Variants in BLTP3B observed in about 807,000 individuals in gnomAD.
The protein encoded by BLTP3B is bridge-like lipid transfer protein family member 3B.
chr12:100,079,501 G>T, the BLTP3B span, among the ~76,000 whole-genome samples: 1 of 152,150 alleles, frequency 6.6e-6, no homozygotes, highest in Non-Finnish European at 1.5e-5. Flanking sequence ...TTATCTTGTG[G>T]AAGAAATTTC....
chr12:100,040,745 C>G, the BLTP3B span, among the ~76,000 whole-genome samples: 1 of 152,020 alleles, frequency 6.6e-6, no homozygotes, highest in Non-Finnish European at 1.5e-5. Context: ...CAGACAAATT[C>G]TTAAAAAGAC....
chr12:100,048,443 G>T, the BLTP3B span, among the ~76,000 whole-genome samples: 1 of 151,828 alleles, frequency 6.6e-6, no homozygotes. Flanking sequence ...CATTATGATA[G>T]AACTAAGGTG....
At chr12:100,097,197 T>C in the BLTP3B span, among the ~76,000 whole-genome samples, 2 of 152,266 alleles carry the variant, frequency 1.3e-5, no homozygotes, top group Admixed American at 1.3e-4. Flanking sequence ...TGAGTAACTA[T>C]ACCTCCCTTT....
At chr12:100,108,917 G>A in the BLTP3B span, among the ~76,000 whole-genome samples, 1 of 152,152 alleles carries the variant, frequency 6.6e-6, no homozygotes, top group Non-Finnish European at 1.5e-5. Context: ...GCTGGAAAGG[G>A]TAGTGGTGGG....
At chr12:100,080,317 G>A in the BLTP3B span, among the ~76,000 whole-genome samples, 2 of 152,092 alleles carry the variant, frequency 1.3e-5, no homozygotes, top group African/African-American at 4.8e-5. Context: ...AAGCCACAGG[G>A]GCAGAGCTGC....
the BLTP3B span, among the ~76,000 whole-genome samples, chr12:100,130,851 G>C: frequency 0.072 from 11,001 of 152,050 alleles, 430 homozygotes; most frequent in South Asian, 0.092. Flanking sequence ...TTTAACCCAG[G>C]GGGTGGAGGT....
the BLTP3B span, among the ~76,000 whole-genome samples, chr12:100,042,613 A>G: frequency 6.6e-6 from 1 of 152,232 alleles, no homozygotes; most frequent in Admixed American, 6.5e-5. Flanking sequence ...GGACTCTTAT[A>G]CAGGACATCC....
the BLTP3B span, among the ~76,000 whole-genome samples, chr12:100,121,169 G>A: frequency 3.8e-4 from 57 of 151,976 alleles, no homozygotes; most frequent in Non-Finnish European, 2.9e-5. Flanking sequence ...CCAACATGGA[G>A]GAACCCTGCC....
the BLTP3B span, among the ~76,000 whole-genome samples, chr12:100,047,059 T>C: frequency 6.6e-6 from 1 of 152,160 alleles, no homozygotes; most frequent in Non-Finnish European, 1.5e-5. Context: ...CATATATAGA[T>C]GATACTTTAT....
the BLTP3B span, among the ~76,000 whole-genome samples, chr12:100,124,082 T>C: frequency 0.057 from 8,701 of 151,614 alleles, 794 homozygotes; most frequent in African/African-American, 0.2. Context: ...CTGGGAAACA[T>C]AGCAAGACCC....
At chr12:100,081,118 C>T in the BLTP3B span, among the ~76,000 whole-genome samples, 1 of 152,188 alleles carries the variant, frequency 6.6e-6, no homozygotes, top group African/African-American at 2.4e-5. Flanking sequence ...GATTGTGAGG[C>T]TTCCCCAGCC....
chr12:100,061,899 C>T, the BLTP3B span, among the ~76,000 whole-genome samples: 1 of 152,194 alleles, frequency 6.6e-6, no homozygotes, highest in African/African-American at 2.4e-5. Context: ...CTCCAAAATT[C>T]ATTTACTGAA....
chr12:100,091,029 C>CTT, the BLTP3B span, among the ~76,000 whole-genome samples: 37 of 139,810 alleles, frequency 2.6e-4, no homozygotes, highest in East Asian at 4.1e-4. Context: ...ATGAATAATC[C>CTT]TTTTTTTTTT....
At chr12:100,089,139 T>C in the BLTP3B span, 6 of 1,392,132 alleles carry the variant, frequency 4.3e-6, no homozygotes, top group Non-Finnish European at 5.6e-6. Context: ...ATTTAAATAC[T>C]GGAAATTTCA....
chr12:100,135,082 C>G, the BLTP3B span, among the ~76,000 whole-genome samples: 1 of 152,152 alleles, frequency 6.6e-6, no homozygotes, highest in African/African-American at 2.4e-5. Flanking sequence ...AAAGTCACTA[C>G]AAGGTCCCAC....
At chr12:100,059,008 T>C in the BLTP3B span, 2 of 1,614,166 alleles carry the variant, frequency 1.2e-6, no homozygotes, top group Non-Finnish European at 1.7e-6. Context: ...GCCAGATCAC[T>C]AGATTCACTT....
the BLTP3B span, among the ~76,000 whole-genome samples, chr12:100,085,196 A>C: frequency 6.6e-6 from 1 of 152,130 alleles, no homozygotes; most frequent in Non-Finnish European, 1.5e-5. Flanking sequence ...GCAACTAAGA[A>C]AAATGCACAT....
chr12:100,125,736 G>C, the BLTP3B span, among the ~76,000 whole-genome samples: 1 of 152,156 alleles, frequency 6.6e-6, no homozygotes, highest in African/African-American at 2.4e-5. Context: ...CAAAAACTGA[G>C]TGCCTACTAT....
the BLTP3B span, among the ~76,000 whole-genome samples, chr12:100,142,213 T>C: frequency 2.0e-5 from 3 of 152,170 alleles, 1 homozygote; most frequent in African/African-American, 4.8e-5. Flanking sequence ...GAACTCGAGT[T>C]AGAGCCCAGC....
Sources: allele counts gnomAD v4.1 joint callset (sites outside exome capture counted in the v4.1 genomes callset), GRCh38; gene constraint gnomAD v4.1.1; transcripts MANE v1.5; gene names NCBI Gene and HGNC (gene_info 2026-07-23, HGNC 2026-07-21).